Variants in CLEC16A observed in about 807,000 individuals in gnomAD.
CLEC16A encodes C-type lectin domain containing 16A.
In CLEC16A, 51 loss-of-function variants were observed where a neutral mutation model predicts 109.5. That is an observed-to-expected ratio of 0.47 (90% CI 0.37 to 0.59). The LOEUF is 0.59. CLEC16A is among the 20% of genes least tolerant of loss of function. The pLI is 0.00. For missense variants in CLEC16A, 1,339 were observed against 1,394.0 expected (o/e 0.96, Z 0.63); for synonymous variants, 673 against 564.2 (o/e 1.19, Z -2.73).
At chr16:10,964,554 A>G (rs922826993) in intron 3 of CLEC16A, among the ~76,000 whole-genome samples, 1 of 152,210 alleles carries the variant, frequency 6.6e-6, no homozygotes, top group Non-Finnish European at 1.5e-5. Flanking sequence ...AGAGCGAGGC[A>G]CAGGGTCTGG....
At position 11,179,066 on chromosome 16, in the gene CLEC16A, G is replaced by C. The variant is rs1262983119; in HGVS notation, c.*376G>C. On this transcript the variant is annotated 3_prime_UTR_variant, in exon 24 of 24. Transcript: ENST00000409790. ...CAGCCCCAGTGTGCACAGAAGAATT[G>C]GACCAGGTCACTGTACGTAGAAATT... The C allele has an allele frequency of 4.5e-6, 1 of 222,474 alleles. No individual in the cohort carries two copies. The highest frequency in any genetic ancestry group is 2.3e-5 in the African/African-American group (1 of 44,156). 13.8% of individuals were successfully genotyped at this position (222,474 alleles called of 1,614,324 possible).
intron 23 of CLEC16A, among the ~76,000 whole-genome samples, chr16:11,176,282 C>T (rs1165767148): frequency 6.6e-6 from 1 of 152,270 alleles, no homozygotes; most frequent in African/African-American, 2.4e-5. Flanking sequence ...GTAGTGTTTA[C>T]TCAGCATTTC....
intron 1 of CLEC16A, among the ~76,000 whole-genome samples, chr16:10,953,932 G>A (rs1041050534): frequency 3.3e-5 from 5 of 149,478 alleles, no homozygotes; most frequent in Admixed American, 1.3e-4. Context: ...AGTGGAGATC[G>A]CACCACTGCA....
intron 22 of CLEC16A, among the ~76,000 whole-genome samples, chr16:11,165,329 C>CAAA (rs35212528): frequency 0.013 from 1,824 of 141,950 alleles, 40 homozygotes; most frequent in African/African-American, 0.045. Context: ...CCATCTCTAC[C>CAAA]AAAAAAAAAA....
At chr16:11,061,312 C>T (rs900481164) in intron 19 of CLEC16A, among the ~76,000 whole-genome samples, 1 of 152,160 alleles carries the variant, frequency 6.6e-6, no homozygotes, top group African/African-American at 2.4e-5. Context: ...CTCCAGGGTT[C>T]CTGTCCTCCC....
chr16:10,990,662 C>G (rs1333795926), intron 10 of CLEC16A, among the ~76,000 whole-genome samples: 1 of 152,224 alleles, frequency 6.6e-6, no homozygotes, highest in African/African-American at 2.4e-5. Flanking sequence ...GACTTAGACC[C>G]TAGCTGGCTT....
chr16:11,056,793 A>G (rs981945280), intron 18 of CLEC16A: 1 of 152,248 alleles, frequency 6.6e-6, no homozygotes, highest in African/African-American at 2.4e-5. Context: ...TAAACAAACA[A>G]TACTTAGACA....
intron 23 of CLEC16A, among the ~76,000 whole-genome samples, chr16:11,170,655 C>G (rs2068471568): frequency 6.6e-6 from 1 of 152,182 alleles, no homozygotes; most frequent in African/African-American, 2.4e-5. Context: ...CTCCCTGCAT[C>G]TTATCTTCCC....
chr16:11,166,770 C>T (rs1440148183), intron 23 of CLEC16A, among the ~76,000 whole-genome samples: 1 of 152,180 alleles, frequency 6.6e-6, no homozygotes, highest in African/African-American at 2.4e-5. Context: ...GCTCCTTTTT[C>T]AGGCCGGTCC....
intron 22 of CLEC16A, among the ~76,000 whole-genome samples, chr16:11,139,213 G>A (rs1036142048): frequency 6.6e-6 from 1 of 152,150 alleles, no homozygotes; most frequent in Non-Finnish European, 1.5e-5. Context: ...GGTCTCCGGG[G>A]TGGCCCACTC....
chr16:11,152,241 T>G (rs1056502125), intron 22 of CLEC16A, among the ~76,000 whole-genome samples: 3 of 152,222 alleles, frequency 2.0e-5, no homozygotes, highest in African/African-American at 7.2e-5. Flanking sequence ...TGGGACAATT[T>G]CACTTGAACA....
chr16:10,962,319 A>T, intron 2 of CLEC16A, 136 bp from the exon 3 acceptor site: 1 of 918,436 alleles, frequency 1.1e-6, no homozygotes, highest in Non-Finnish European at 1.7e-6. Flanking sequence ...GCGGGTGACA[A>T]TGGGTGGCAT....
chr16:11,081,577 T>A (rs2049720482), intron 19 of CLEC16A, among the ~76,000 whole-genome samples: 2 of 151,816 alleles, frequency 1.3e-5, no homozygotes, highest in African/African-American at 4.8e-5. Context: ...TCCACTCCCC[T>A]CCCCACCTAG....
Position 11,174,336 on chromosome 16 carries a change from A to G in CLEC16A, c.2807-3999A>G. On this transcript the variant is annotated intron_variant, in intron 23 of 23. Transcript: ENST00000409790. The surrounding 1 kb of genome is among the most constrained non-coding windows in gnomAD (Gnocchi z 4.7). ...CGTCCACTCGCCACGCTGCATTTCCACAGTCGGCAGGGTCCGCGCTGGCAA... is the reference window on the plus strand; with the variant it reads ...CGTCCACTCGCCACGCTGCATTTCCGCAGTCGGCAGGGTCCGCGCTGGCAA... 1 of 420,492 alleles carries G rather than the reference A, an allele frequency of 2.4e-6. No homozygotes were observed. The highest frequency in any genetic ancestry group is 5.0e-6 in the Non-Finnish European group (1 of 201,626). The allele number at this position is 420,492 out of a possible 1,614,324, so 26.0% of individuals were successfully genotyped here.
chr16:11,134,109 C>T (rs1040940278), intron 22 of CLEC16A, among the ~76,000 whole-genome samples: 3 of 151,964 alleles, frequency 2.0e-5, no homozygotes, highest in Admixed American at 1.3e-4. Flanking sequence ...CTCCCTCCAG[C>T]GTCAGACCCT....
chr16:10,949,757 C>G (rs541877151), intron 1 of CLEC16A, among the ~76,000 whole-genome samples: 1 of 152,244 alleles, frequency 6.6e-6, no homozygotes, highest in East Asian at 1.9e-4. Context: ...GAGGGGCAGA[C>G]TGGAGGTGGG....
intron 5 of CLEC16A, among the ~76,000 whole-genome samples, chr16:10,971,743 C>G (rs1166357702): frequency 6.6e-6 from 1 of 152,174 alleles, no homozygotes; most frequent in African/African-American, 2.4e-5. Flanking sequence ...AACATTGCCC[C>G]AGGGAAAAAG....
intron 19 of CLEC16A, among the ~76,000 whole-genome samples, chr16:11,084,034 C>A (rs2049878358): frequency 6.6e-6 from 1 of 152,150 alleles, no homozygotes; most frequent in Admixed American, 6.5e-5. Context: ...CCGTATGGGC[C>A]CCAGCAGGAC....
chr16:10,945,345 A>G (rs16957801), intron 1 of CLEC16A, among the ~76,000 whole-genome samples: 7,493 of 152,264 alleles, frequency 0.049, 282 homozygotes, highest in African/African-American at 0.11. Flanking sequence ...ATTAATTATT[A>G]TAAAAGAACA....
Sources: gnomAD v4.1 joint callset for allele counts (sites outside exome capture counted in the v4.1 genomes callset) on GRCh38, gnomAD v4.1.1 for gene constraint, Gnocchi (gnomAD v3.1) non-coding constraint, MANE v1.5 for transcripts, NCBI Gene and HGNC (gene_info 2026-07-23, HGNC 2026-07-21) for gene names.